The following OFD1 variants were observed in gnomAD, a reference collection of about 807,000 sequenced individuals.
OFD1 encodes OFD1 centriole and centriolar satellite protein.
In OFD1, 12 loss-of-function variants were observed where a neutral mutation model predicts 81.4. That is an observed-to-expected ratio of 0.15 (90% CI 0.09 to 0.24). OFD1 has a LOEUF of 0.24. Among genes scored for constraint, OFD1 ranks in the 10% least tolerant of loss-of-function variants. OFD1 has a pLI of 1.00. For missense variants in OFD1, 685 were observed against 733.9 expected, an observed-to-expected ratio of 0.93 and a Z score of 0.77; for synonymous variants, 256 against 263.7, an observed-to-expected ratio of 0.97 and a Z score of 0.28.
downstream of OFD1, chrX:13,773,125 G>T: frequency 1.3e-6 from 1 of 745,072 alleles, no homozygotes. Context: ...TTAAAGGGGC[G>T]AAGGTTAATT....
Position 13,767,353 on chromosome X carries a change from C to G in OFD1, c.2757+69C>G, listed in dbSNP as rs2048169254. 1.4e-5 allele frequency: 15 copies of G among 1,093,464 alleles called. No homozygotes were observed. In the South Asian group the frequency reaches 2.4e-4, roughly 18 times the overall value. 90.1% of individuals were successfully genotyped at this position (1,093,464 alleles called of 1,213,427 possible). On this transcript the variant is annotated intron_variant, in intron 20 of 22. Transcript: ENST00000340096. ...ACACCTTTCGTAAGTACATTGAGCTCAGGGAGGGGAGTCAATTGGTGTACA... is the reference window on the plus strand; with the variant it reads ...ACACCTTTCGTAAGTACATTGAGCTGAGGGAGGGGAGTCAATTGGTGTACA...
downstream of OFD1, chrX:13,773,487 ATAAT>A (rs2048341412): frequency 8.9e-6 from 1 of 112,540 alleles, no homozygotes; most frequent in Non-Finnish European, 1.9e-5. Flanking sequence ...TTTTGAGTAA[ATAAT>A]TAAACTACAT....
chrX:13,766,256 T>C (rs955846250), intron 19 of OFD1, among the ~76,000 whole-genome samples: 1 of 111,821 alleles, frequency 8.9e-6, no homozygotes, highest in African/African-American at 3.3e-5. Flanking sequence ...CCACAGGTTG[T>C]TGGAAGGCAG....
chrX:13,746,192 A>T, intron 6 of OFD1, 127 bp from the exon 7 acceptor site: 2 of 570,121 alleles, frequency 3.5e-6, no homozygotes, highest in Admixed American at 6.1e-5. Flanking sequence ...TTTGTATTTC[A>T]AAGTAAGTTG....
chrX:13,758,433 A>G lies in OFD1; in HGVS notation c.1639A>G (p.Lys547Glu), dbSNP rs1054393663. Residue 547 changes from lysine (K) to glutamate (E), a missense_variant, in exon 15 of 23, where the codon AAG becomes GAG. Lys to Glu is a moderately conservative substitution (Grantham distance 56, BLOSUM62 1). This residue lies in a region of OFD1 where 414 missense variants were observed against 447.2 expected (regional missense o/e 0.93). Coordinates refer to ENST00000340096, the MANE Select transcript of OFD1 (RefSeq NM_003611.3). ...TQVADLKLQLKQTQTALENEV... is the reference protein window; with the variant it reads ...TQVADLKLQLEQTQTALENEV... ...GGTTGCCGATTTAAAATTGCAACTG[A>G]AGCAAACTCAGACAGGTTAGAGACG... 3 of 1,168,882 alleles carry G rather than the reference A, an allele frequency of 2.6e-6. No homozygotes were observed. The highest frequency in any genetic ancestry group is 2.2e-5 in the Admixed American group (1 of 45,958).
intron 19 of OFD1, among the ~76,000 whole-genome samples, 188 bp from the exon 20 acceptor site, chrX:13,766,939 C>T (rs1417914065): frequency 1.8e-5 from 2 of 110,699 alleles, no homozygotes; most frequent in Non-Finnish European, 3.8e-5. Flanking sequence ...AAGTAGGGTA[C>T]AGTTCAAGGA....
chrX:13,740,782 G>C (rs2047061969), intron 5 of OFD1, among the ~76,000 whole-genome samples: 1 of 99,145 alleles, frequency 1.0e-5, no homozygotes, highest in African/African-American at 3.8e-5. Context: ...GACAGAGCTG[G>C]ACTCCATCTC....
chrX:13,714,545 C>T, the OFD1 span: 1 of 786,980 alleles, frequency 1.3e-6, no homozygotes. Flanking sequence ...AAAAAGCTGA[C>T]AAATCTTAAG....
chrX:13,751,165 G>A (rs2047486144), intron 9 of OFD1, 84 bp from the exon 10 acceptor site: 2 of 930,134 alleles, frequency 2.2e-6, no homozygotes, highest in Non-Finnish European at 3.1e-6. Flanking sequence ...TTAGTCTGTG[G>A]AACTAGACAC....
At chrX:13,718,818 A>G in the OFD1 span, among the ~76,000 whole-genome samples, 1 of 111,915 alleles carries the variant, frequency 8.9e-6, no homozygotes, top group Non-Finnish European at 1.9e-5. Context: ...GCAATTTATT[A>G]GAAACAGAAA....
chrX:13,735,431 A>G, intron 2 of OFD1, 85 bp downstream of exon 2: 1 of 693,038 alleles, frequency 1.4e-6, no homozygotes. Context: ...TTTAGGTTTT[A>G]ATAATCGTAT....
chrX:13,764,613 T>G (rs2048056444), intron 19 of OFD1, among the ~76,000 whole-genome samples: 2 of 112,162 alleles, frequency 1.8e-5, no homozygotes, highest in Non-Finnish European at 3.8e-5. Context: ...TTTTCTCAAG[T>G]AAAGCCACCT....
At chrX:13,742,592 C>T (rs756868208) in intron 5 of OFD1, among the ~76,000 whole-genome samples, 5 of 112,044 alleles carry the variant, frequency 4.5e-5, no homozygotes, top group South Asian at 3.7e-4. Flanking sequence ...GGCGTGACCT[C>T]GGCTCACTGC....
intron 10 of OFD1, among the ~76,000 whole-genome samples, chrX:13,751,952 C>T (rs1263298538): frequency 1.8e-5 from 2 of 112,335 alleles, no homozygotes; most frequent in African/African-American, 6.5e-5. Flanking sequence ...TTGTGACTTG[C>T]TTAGCTTGCA....
chrX:13,766,634 TGGC>T (rs1310205673), intron 19 of OFD1, among the ~76,000 whole-genome samples: 2 of 110,961 alleles, frequency 1.8e-5, no homozygotes, highest in East Asian at 2.8e-4. Flanking sequence ...ATGGCTGGAA[TGGC>T]GGGGGGAGGG....
chrX:13,746,100 A>G (rs1016188775), intron 6 of OFD1, among the ~76,000 whole-genome samples: 2 of 112,196 alleles, frequency 1.8e-5, no homozygotes, highest in Non-Finnish European at 3.8e-5. Flanking sequence ...TTGTATACCC[A>G]CCACCTAGAT....
chrX:13,719,608 G>A, the OFD1 span, among the ~76,000 whole-genome samples: 2 of 112,079 alleles, frequency 1.8e-5, no homozygotes, highest in African/African-American at 3.2e-5. Flanking sequence ...GTCTTTATGT[G>A]CTTAAGCAAC....
intron 12 of OFD1, among the ~76,000 whole-genome samples, chrX:13,755,968 T>TTTTTTTTTTTTG (rs1298406528): frequency 1.0e-5 from 1 of 96,935 alleles, no homozygotes; most frequent in African/African-American, 4.1e-5. Context: ...TTTTTTTTTT[T>TTTTTTTTTTTTG]GAGACAGAGT....
chrX:13,744,445 C>T lies in OFD1; in HGVS notation c.443C>T (p.Ala148Val), dbSNP rs767918016. ...GFLMHFLKEL[A>V]EYHQAKESCN... ...CTTATGCATTTTTTAAAAGAATTGG[C>T]AGAATATCATCAAGCTAAAGAGAGT... is the stretch of plus-strand genomic sequence containing the variant. Residue 148 changes from alanine (A) to valine (V), a missense_variant, in exon 6 of 23, where the codon GCA becomes GTA. Physicochemically the swap from Ala to Val is moderately conservative, Grantham distance 64. Transcript: ENST00000340096. The T allele has an allele frequency of 3.4e-6, 4 of 1,185,030 alleles. No homozygotes were observed. The highest frequency in any genetic ancestry group is 4.6e-6 in the Non-Finnish European group (4 of 873,522).
Sources: gnomAD v4.1 joint callset for allele counts (sites outside exome capture counted in the v4.1 genomes callset) on GRCh38, gnomAD v4.1.1 for gene constraint, gnomAD v4.1.1 regional missense constraint, MANE v1.5 for transcripts, NCBI Gene and HGNC (gene_info 2026-07-23, HGNC 2026-07-21) for gene names.